MAML2: variants seen among roughly 807,000 people sequenced by gnomAD.
MAML2 encodes the protein mastermind like transcriptional coactivator 2, also known as mastermind-like protein 2.
A neutral mutation model predicts 96.1 loss-of-function variants in MAML2; 22 were observed. That is an observed-to-expected ratio of 0.23 (90% confidence interval 0.16 to 0.33). The LOEUF (loss-of-function observed/expected upper bound fraction) is 0.33, where lower values mean the gene tolerates loss of function less well. MAML2 is among the 10% of genes least tolerant of loss of function. The pLI is 1.00. For missense variants in MAML2, 1,367 were observed against 1,392.4 expected, an observed-to-expected ratio of 0.98 and a Z score of 0.29; for synonymous variants, 561 against 521.3, an observed-to-expected ratio of 1.08 and a Z score of -1.04.
intron 1 of MAML2, among the ~76,000 whole-genome samples, chr11:96,324,497 T>C (rs1026345360): frequency 6.6e-6 from 1 of 152,208 alleles, no homozygotes; most frequent in Non-Finnish European, 1.5e-5. Flanking sequence ...TAAAAATTCA[T>C]GCTTGCCACA....
At position 96,243,341 on chromosome 11, in the gene MAML2, GTCGGGAATTGCCTGCAC is replaced by G. The variant is rs536714372; in HGVS notation, c.513+98025_513+98041del. Among the ~76,000 whole-genome samples, 12 of 152,326 alleles carry G rather than the reference GTCGGGAATTGCCTGCAC, an allele frequency of 7.9e-5. No individual in the cohort carries two copies. In the South Asian group the frequency reaches 2.1e-3, roughly 26 times the overall value. ...GGAGGCGGGGGAGGCGGGGTTGGCT[GTCGGGAATTGCCTGCAC>G]TCCTTAAACGGCAGGCACTTCCTGC... is the stretch of plus-strand genomic sequence containing the variant. On this transcript the variant is annotated intron_variant, in intron 1 of 4. Coordinates refer to ENST00000524717, the MANE Select transcript of MAML2 (RefSeq NM_032427.4).
intron 1 of MAML2, among the ~76,000 whole-genome samples, chr11:96,286,627 CT>C (rs10550785): frequency 0.29 from 40,779 of 142,494 alleles, 5,842 homozygotes; most frequent in Middle Eastern, 0.37. Flanking sequence ...TTCTTTTTAT[CT>C]TTTTTTTTTT....
intron 1 of MAML2, among the ~76,000 whole-genome samples, chr11:96,129,235 A>C (rs1860503526): frequency 6.6e-6 from 1 of 152,186 alleles, no homozygotes; most frequent in Non-Finnish European, 1.5e-5. Context: ...TCAGATTCTC[A>C]CTTTTTCTTT....
chr11:96,025,865 G>A lies in MAML2; in HGVS notation c.2140-34142C>T, dbSNP rs763118250. Among the ~76,000 whole-genome samples the A allele has an allele frequency of 1.1e-3, 163 of 152,040 alleles. 3 individuals carry two copies. The highest frequency in any genetic ancestry group is 2.2e-4 in the Non-Finnish European group (15 of 67,998). On this transcript the variant is annotated intron_variant, in intron 2 of 4. Transcript: ENST00000524717. ...TATAAGCCACCGCGCCCAGCCAAAA[G>A]TATAAATTATTTTTTAAAAAGATTC...
chr11:96,232,874 C>A (rs1862316546), intron 1 of MAML2, among the ~76,000 whole-genome samples: 1 of 152,198 alleles, frequency 6.6e-6, no homozygotes, highest in African/African-American at 2.4e-5. Flanking sequence ...GGCCAACATA[C>A]TCTCTTACTT....
rs55659413 is a variant in MAML2, at chr11:96,240,557, C to CAAAAAAAAAAAAAA, written c.513+100812_513+100825dup. Among the ~76,000 whole-genome samples, 143 of 51,096 alleles carry CAAAAAAAAAAAAAA rather than the reference C, an allele frequency of 2.8e-3. 9 individuals are homozygous for CAAAAAAAAAAAAAA. The highest frequency in any genetic ancestry group is 8.0e-3 in the African/African-American group (132 of 16,402). The allele number at this position is 51,096 out of a possible 152,430, so 33.5% of individuals were successfully genotyped here. On this transcript the variant is annotated intron_variant, in intron 1 of 4. Coordinates refer to ENST00000524717, the MANE Select transcript of MAML2 (RefSeq NM_032427.4). ...TGGGCGACAGAGCGAGACTCCGTCT[C>CAAAAAAAAAAAAAA]AAAAAAAAAAAAAAAAAAAAAAAAA...
At chr11:96,128,563 A>T (rs1860492028) in intron 1 of MAML2, among the ~76,000 whole-genome samples, 1 of 152,170 alleles carries the variant, frequency 6.6e-6, no homozygotes, top group African/African-American at 2.4e-5. Context: ...CTGGTGTTAG[A>T]GTTTGCTGAC....
intron 2 of MAML2, among the ~76,000 whole-genome samples, chr11:96,032,971 C>T (rs542930208): frequency 3.3e-5 from 5 of 152,230 alleles, no homozygotes; most frequent in Admixed American, 6.5e-5. Flanking sequence ...CATACCTATG[C>T]GTTTGTCAAA....
chr11:95,985,970 G>C (rs1427338710), intron 3 of MAML2, among the ~76,000 whole-genome samples: 1 of 152,006 alleles, frequency 6.6e-6, no homozygotes, highest in East Asian at 1.9e-4. Context: ...TTCTAATTTT[G>C]TCTAAAAACA....
chr11:96,170,904 T>C (rs1320560778), intron 1 of MAML2, among the ~76,000 whole-genome samples: 1 of 152,102 alleles, frequency 6.6e-6, no homozygotes, highest in South Asian at 2.1e-4. Flanking sequence ...TTAGCAGAGA[T>C]TGGGTTTCAC....
intron 1 of MAML2, among the ~76,000 whole-genome samples, chr11:96,276,818 A>C (rs1018643958): frequency 3.6e-4 from 15 of 42,018 alleles, no homozygotes; most frequent in African/African-American, 1.8e-3. Flanking sequence ...CTCAGACCCA[A>C]AAAAAAAAAA....
intron 1 of MAML2, among the ~76,000 whole-genome samples, chr11:96,123,695 A>G (rs768019650): frequency 9.9e-5 from 15 of 152,204 alleles, no homozygotes; most frequent in Non-Finnish European, 2.2e-4. Context: ...TGCAGCCTTT[A>G]TAAATAAGAG....
At chr11:96,104,780 A>T (rs1319863663) in intron 1 of MAML2, among the ~76,000 whole-genome samples, 1 of 152,044 alleles carries the variant, frequency 6.6e-6, no homozygotes, top group African/African-American at 2.4e-5. Context: ...AGAAGCTAGA[A>T]TGAGAAACTA....
Position 96,092,684 on chromosome 11 carries a change from C to T in MAML2, c.1347G>A (p.Met449Ile), listed in dbSNP as rs771337936. The T allele has an allele frequency of 1.2e-6, 2 of 1,614,020 alleles. No homozygotes were observed. Among genetic ancestry groups the T allele is most frequent in the South Asian group, 2.2e-5 (2 of 91,090 alleles). The change falls in exon 2 of 5, where the codon ATG becomes ATA. Residue 449 changes from methionine to isoleucine, a missense_variant. Met to Ile is a conservative substitution (Grantham distance 10). Transcript: ENST00000524717. This position sits in a 1 kb window ranked among gnomAD's most constrained non-coding sequence, Gnocchi z 4.1. ...IAANRQQHAR[M>I]QQHQQQHQPT... ...GCTGGTGCTGCTGCTGGTGCTGCTG[C>T]ATCCGGGCATGCTGCTGACGATTAG...
chr11:96,142,778 G>C (rs1359416477), intron 1 of MAML2, among the ~76,000 whole-genome samples: 1 of 152,060 alleles, frequency 6.6e-6, no homozygotes, highest in Admixed American at 6.5e-5. Context: ...CTCTCCATCA[G>C]GTTTTGCAAA....
chr11:96,035,426 G>GT (rs1168719868), intron 2 of MAML2, among the ~76,000 whole-genome samples: 2 of 152,200 alleles, frequency 1.3e-5, no homozygotes, highest in Admixed American at 6.5e-5. Flanking sequence ...TCAAATTCTT[G>GT]TTTTCTGAGG....
At chr11:96,231,995 T>C (rs551582884) in intron 1 of MAML2, among the ~76,000 whole-genome samples, 1 of 152,312 alleles carries the variant, frequency 6.6e-6, no homozygotes, top group East Asian at 1.9e-4. Context: ...TTATGCTAGA[T>C]AGGGATATTT....
intron 2 of MAML2, among the ~76,000 whole-genome samples, chr11:96,027,371 G>C: frequency 6.6e-6 from 1 of 152,210 alleles, no homozygotes; most frequent in East Asian, 1.9e-4. Context: ...GAGTAGTTAA[G>C]TAAGTTCTCA....
chr11:96,109,036 T>C (rs938133958), intron 1 of MAML2, among the ~76,000 whole-genome samples: 2 of 139,038 alleles, frequency 1.4e-5, no homozygotes, highest in Admixed American at 1.4e-4. Flanking sequence ...AAAAAAAATG[T>C]ATAAGCAACT....
Sources: allele counts gnomAD v4.1 joint callset (sites outside exome capture counted in the v4.1 genomes callset), GRCh38; gene constraint gnomAD v4.1.1; non-coding constraint Gnocchi (gnomAD v3.1); transcripts MANE v1.5; gene names NCBI Gene and HGNC (gene_info 2026-07-23, HGNC 2026-07-21).